Variants in ZNF568 observed in about 807,000 individuals in gnomAD.
ZNF568 encodes the protein p53 inhibitor of SCO2 activation.
A neutral mutation model predicts 18.1 loss-of-function variants in ZNF568; 11 were observed. The ratio of observed to expected loss-of-function variants is 0.61; its 90% CI spans 0.38 to 1.00. The LOEUF (loss-of-function observed/expected upper bound fraction) is 1.00. ZNF568 is among the 50% of genes least tolerant of loss of function. The pLI, the probability that ZNF568 is intolerant of heterozygous loss-of-function variation, is 0.01. For missense variants in ZNF568, 639 were observed against 768.2 expected (o/e 0.83, Z 1.99); for synonymous variants, 213 against 246.6 (o/e 0.86, Z 1.28).
At position 36,950,538 on chromosome 19, in the gene ZNF568, T is replaced by C; in HGVS notation, c.1385T>C (p.Ile462Thr). The C allele has an allele frequency of 6.2e-7, 1 of 1,613,582 alleles. No individual in the cohort carries two copies. Among genetic ancestry groups the C allele is most frequent in the South Asian group, 1.1e-5 (1 of 91,044 alleles). The change falls in exon 7 of 7, where the codon ATT becomes ACT. Residue 462 changes from isoleucine (I) to threonine (T), a missense_variant. Ile to Thr is a moderately conservative substitution (Grantham distance 89). Transcript: ENST00000333987. ...GCCTTCAGCAGGAAAGAAAATCTCA[T>C]TACACATCAGAAAATTCACACTGGA... is the stretch of plus-strand genomic sequence containing the variant. ...GKAFSRKENLITHQKIHTGEK... is the reference protein window; with the variant it reads ...GKAFSRKENLTTHQKIHTGEK...
At chr19:36,924,126 A>T (rs989913450) in intron 3 of ZNF568, among the ~76,000 whole-genome samples, 1 of 152,156 alleles carries the variant, frequency 6.6e-6, no homozygotes, top group Non-Finnish European at 1.5e-5. Context: ...CAAGTTTTTT[A>T]AAAATGTCAT....
At chr19:36,989,029 TCTGCTCTCTGCTTCTGAACGC>T (rs2074400818) in intron 2 of ZNF568, among the ~76,000 whole-genome samples, 1 of 152,200 alleles carries the variant, frequency 6.6e-6, no homozygotes, top group African/African-American at 2.4e-5. Context: ...TAACTACTGT[TCTGCTCTCTGCTTCTGAACGC>T]CTTCTTTTTG....
At chr19:36,981,718 TA>T (rs1419850276), downstream of ZNF568, among the ~76,000 whole-genome samples, 3 of 151,734 alleles carry the variant, frequency 2.0e-5, no homozygotes, top group African/African-American at 7.3e-5. Context: ...CTACTATAAA[TA>T]AAAAATTAGC....
chr19:36,991,257 C>G, exon 3 of ZNF568: 1 of 1,535,574 alleles, frequency 6.5e-7, no homozygotes, highest in Non-Finnish European at 8.7e-7. Context: ...GGATTTGTAC[C>G]GAGATGTAAT....
chr19:36,951,929 C>T lies in ZNF568; in HGVS notation c.*841C>T, dbSNP rs2074066055. ...TACAGGCTTGAGCCACTGCACCTGGCCAAAAAATTAACATTCTAAAGGATT... is the reference window on the plus strand; with the variant it reads ...TACAGGCTTGAGCCACTGCACCTGGTCAAAAAATTAACATTCTAAAGGATT... On this transcript the variant is annotated 3_prime_UTR_variant, in exon 7 of 7. Transcript: ENST00000333987. 1 of 983,348 alleles carries T rather than the reference C, an allele frequency of 1.0e-6. No homozygotes were observed. The highest frequency in any genetic ancestry group is 1.2e-6 in the Non-Finnish European group (1 of 829,552). 60.9% of individuals were successfully genotyped at this position (983,348 alleles called of 1,614,324 possible). A position where few individuals can be genotyped will look rare whatever the true frequency, so the allele number is the denominator to read the frequency against.
chr19:36,985,406 TA>T (rs1346826716), intron 2 of ZNF568, among the ~76,000 whole-genome samples: 2 of 152,206 alleles, frequency 1.3e-5, no homozygotes, highest in Non-Finnish European at 2.9e-5. Context: ...AACATTTTAT[TA>T]GGGAAATTTT....
At chr19:36,967,741 T>A (rs1414597709) in intron 6 of ZNF568, among the ~76,000 whole-genome samples, 1 of 152,198 alleles carries the variant, frequency 6.6e-6, no homozygotes, top group African/African-American at 2.4e-5. Flanking sequence ...AAGCTTTCCA[T>A]GATACCCAAC....
At chr19:36,984,121 G>A (rs187876948), downstream of ZNF568, among the ~76,000 whole-genome samples, 3 of 151,830 alleles carry the variant, frequency 2.0e-5, no homozygotes, top group African/African-American at 7.3e-5. Flanking sequence ...GGATGGTCTC[G>A]ATCTCCTGAC....
intron 6 of ZNF568, among the ~76,000 whole-genome samples, chr19:36,964,390 C>T (rs1035946362): frequency 1.3e-5 from 2 of 152,124 alleles, no homozygotes; most frequent in African/African-American, 4.8e-5. Context: ...CTCCTGGTGT[C>T]CAGAACTCAA....
intron 6 of ZNF568, among the ~76,000 whole-genome samples, chr19:36,972,441 C>T (rs2074243708): frequency 6.6e-6 from 1 of 152,164 alleles, no homozygotes; most frequent in Non-Finnish European, 1.5e-5. Flanking sequence ...CATCCTGAGC[C>T]TGTGACTGCG....
downstream of ZNF568, among the ~76,000 whole-genome samples, chr19:36,956,323 C>T (rs1404479259): frequency 6.6e-6 from 1 of 152,182 alleles, no homozygotes; most frequent in African/African-American, 2.4e-5. Flanking sequence ...ACACTGTCTC[C>T]CTTCAGGCAG....
intron 6 of ZNF568, among the ~76,000 whole-genome samples, chr19:36,958,889 G>A (rs1014098957): frequency 2.6e-5 from 4 of 152,032 alleles, no homozygotes; most frequent in Non-Finnish European, 5.9e-5. Context: ...CCAAAGTGCT[G>A]AGATTACAGG....
At chr19:36,991,248 G>T in exon 3 of ZNF568, 2 of 1,536,184 alleles carry the variant, frequency 1.3e-6, no homozygotes, top group Non-Finnish European at 1.7e-6. Flanking sequence ...TGCTCAGAAG[G>T]ATTTGTACCG....
At chr19:36,955,430 G>A (rs934661339), downstream of ZNF568, among the ~76,000 whole-genome samples, 1 of 152,066 alleles carries the variant, frequency 6.6e-6, no homozygotes, top group African/African-American at 2.4e-5. Context: ...AACCTATCAG[G>A]TGAGGTAAAG....
At chr19:36,958,201 T>C (rs187473953) in intron 6 of ZNF568, among the ~76,000 whole-genome samples, 27 of 152,348 alleles carry the variant, frequency 1.8e-4, no homozygotes, top group African/African-American at 6.3e-4. Context: ...TATTTTTGCA[T>C]CTGTATTCAT....
In ZNF568 at chr19:36,917,656, T is replaced by C. The variant is rs1425039199; in HGVS notation, c.-186+8T>C. 2.0e-5 allele frequency: 3 copies of C among 152,266 alleles called. No individual in the cohort carries two copies. The highest frequency in any genetic ancestry group is 7.2e-5 in the African/African-American group (3 of 41,478). The allele number at this position is 152,266 out of a possible 1,614,324, so 9.4% of individuals were successfully genotyped here. ...TGACTGTTATTTTAATAGGTGAGTATAGTTCAGTGGCATTTATCATGATTG... is the reference window on the plus strand; with the variant it reads ...TGACTGTTATTTTAATAGGTGAGTACAGTTCAGTGGCATTTATCATGATTG... On this transcript the variant is annotated splice_region_variant and intron_variant, in intron 2 of 6. Transcript: ENST00000333987.
rs1019109559 is a variant in ZNF568, at chr19:36,916,363, G to C, written c.-484G>C. 1 of 161,078 alleles carries C rather than the reference G, an allele frequency of 6.2e-6. No homozygotes were observed. The highest frequency in any genetic ancestry group is 1.4e-5 in the Non-Finnish European group (1 of 74,050). 10.0% of individuals were successfully genotyped at this position (161,078 alleles called of 1,614,324 possible). A position where few individuals can be genotyped will look rare whatever the true frequency, so the allele number is the denominator to read the frequency against. On this transcript the variant is annotated 5_prime_UTR_variant, in exon 1 of 7. Transcript: ENST00000333987. This position sits in a 1 kb window ranked among gnomAD's most constrained non-coding sequence, Gnocchi z 5.3. Reference sequence around the variant, plus strand: ...CTCGGAAACGTCGCTGGCGCGGAGGGATGGTTCGGCGCTTTAGGCGTCTGT... The same window carrying C: ...CTCGGAAACGTCGCTGGCGCGGAGGCATGGTTCGGCGCTTTAGGCGTCTGT...
At chr19:36,962,256 C>T (rs2074157510) in intron 6 of ZNF568, among the ~76,000 whole-genome samples, 1 of 77,860 alleles carries the variant, frequency 1.3e-5, no homozygotes, top group Non-Finnish European at 2.6e-5. Context: ...ACCTTATTTT[C>T]ATGATGGTAA....
chr19:36,963,089 A>AC (rs2074167495), intron 6 of ZNF568, among the ~76,000 whole-genome samples: 1 of 152,176 alleles, frequency 6.6e-6, no homozygotes, highest in Non-Finnish European at 1.5e-5. Context: ...AAATAATGGT[A>AC]CCACAATCAC....
Sources: gnomAD v4.1 joint callset for allele counts (sites outside exome capture counted in the v4.1 genomes callset) on GRCh38, gnomAD v4.1.1 for gene constraint, Gnocchi (gnomAD v3.1) non-coding constraint, MANE v1.5 for transcripts, NCBI Gene and HGNC (gene_info 2026-07-23, HGNC 2026-07-21) for gene names.